Variants in DOCK10 observed in about 807,000 individuals in gnomAD.
DOCK10 encodes the protein dedicator of cytokinesis 10, also known as dedicator of cytokinesis protein 10.
In DOCK10, 145 loss-of-function variants were observed where a neutral mutation model predicts 280.1. That is an observed-to-expected ratio of 0.52 (90% confidence interval 0.45 to 0.59). The LOEUF is 0.59. Among genes scored for constraint, DOCK10 ranks in the 20% least tolerant of loss-of-function variants. The probability of loss-of-function intolerance (pLI) is 0.00; values close to 1 mark genes in which losing one functional copy is unlikely to be tolerated. For synonymous variants in DOCK10, 915 were observed against 942.2 expected (o/e 0.97, Z 0.53); for missense variants, 2,368 against 2,651.7 (o/e 0.89, Z 2.35).
intron 1 of DOCK10, among the ~76,000 whole-genome samples, chr2:225,004,726 C>G (rs1373469984): frequency 6.6e-6 from 1 of 152,170 alleles, no homozygotes; most frequent in Non-Finnish European, 1.5e-5. Flanking sequence ...AAGACAGAAC[C>G]AAGGATGTGA....
chr2:224,936,441 G>A (rs1358705002), intron 1 of DOCK10, among the ~76,000 whole-genome samples: 3 of 152,052 alleles, frequency 2.0e-5, no homozygotes, highest in African/African-American at 7.2e-5. Context: ...ATTAGAGTTT[G>A]AGCCCAGAAT....
At chr2:224,910,393 T>G (rs140397419) in intron 3 of DOCK10, among the ~76,000 whole-genome samples, 1 of 152,262 alleles carries the variant, frequency 6.6e-6, no homozygotes, top group Non-Finnish European at 1.5e-5. Context: ...CATAGCAATT[T>G]TATAGCAAAA....
chr2:225,031,454 G>A (rs768786499), intron 1 of DOCK10, among the ~76,000 whole-genome samples: 4 of 152,192 alleles, frequency 2.6e-5, no homozygotes, highest in Non-Finnish European at 5.9e-5. Context: ...TGTGGGCACA[G>A]GGCCGAAGGA....
intron 1 of DOCK10, among the ~76,000 whole-genome samples, chr2:224,956,120 G>C (rs1440368964): frequency 6.6e-6 from 1 of 152,210 alleles, no homozygotes; most frequent in East Asian, 1.9e-4. Flanking sequence ...TGGCCAAGGT[G>C]AAGCAGGATT....
At position 224,836,561 on chromosome 2, in the gene DOCK10, G is replaced by A. The variant is rs1037672897; in HGVS notation, c.2850+1201C>T. Among the ~76,000 whole-genome samples the A allele has an allele frequency of 2.6e-4, 40 of 151,808 alleles. 1 individual carries two copies. The highest frequency in any genetic ancestry group is 1.3e-4 in the Non-Finnish European group (9 of 67,970). On this transcript the variant is annotated intron_variant, in intron 25 of 55. Coordinates refer to ENST00000258390, the MANE Select transcript of DOCK10 (RefSeq NM_014689.3). ...TGGTATCTCAGAGGGGTTCACTCCA[G>A]AATGCAATTTCTGGTTACTTCCTTT... is the stretch of plus-strand genomic sequence containing the variant.
intron 7 of DOCK10, 83 bp downstream of exon 7, chr2:224,885,588 A>G (rs1574994114): frequency 7.3e-7 from 1 of 1,376,010 alleles, no homozygotes; most frequent in South Asian, 1.7e-5. Context: ...CTCTTGGCTC[A>G]TATCAGATAC....
At chr2:224,917,037 C>G (rs1157657847) in intron 2 of DOCK10, among the ~76,000 whole-genome samples, 1 of 150,020 alleles carries the variant, frequency 6.7e-6, no homozygotes, top group African/African-American at 2.4e-5. Context: ...AGCTGTTCCC[C>G]CTTTGCAGAA....
chr2:224,800,300 A>AGACAAT (rs1345978222), intron 40 of DOCK10, 37 bp from the exon 41 acceptor site: 3 of 1,336,514 alleles, frequency 2.2e-6, no homozygotes, highest in Non-Finnish European at 3.2e-6. Flanking sequence ...TAAAAGTCTA[A>AGACAAT]GACAATGCTT....
At chr2:224,790,278 A>G (rs1261093784) in intron 47 of DOCK10, among the ~76,000 whole-genome samples, 1 of 152,202 alleles carries the variant, frequency 6.6e-6, no homozygotes, top group Non-Finnish European at 1.5e-5. Flanking sequence ...CCGGAGTGAC[A>G]GACCAGCCCC....
In DOCK10 at chr2:224,874,342, G is replaced by T; in HGVS notation, c.1025C>A (p.Thr342Lys). 1.2e-6 allele frequency: 2 copies of T among 1,610,338 alleles called. No homozygotes were observed. Among genetic ancestry groups the T allele is most frequent in the South Asian group, 1.1e-5 (1 of 90,486 alleles). The change falls in exon 10 of 56, where the codon ACA becomes AAA. Residue 342 changes from threonine (T) to lysine (K), a missense_variant. Physicochemically the swap from Thr to Lys is moderately conservative, Grantham distance 78 (BLOSUM62 -1). Around this residue, in one of 2 missense-constraint regions of DOCK10, gnomAD observed 1,209 missense variants for 1,250.9 expected, o/e 0.97. Coordinates refer to ENST00000258390, the MANE Select transcript of DOCK10 (RefSeq NM_014689.3). ...TGTTTTTACAGTATCTTCTGTTTCTGTGAGGTACTACAGAGAAAATTGTGT... is the reference window on the plus strand; with the variant it reads ...TGTTTTTACAGTATCTTCTGTTTCTTTGAGGTACTACAGAGAAAATTGTGT... ...NLHADFAKYL[T>K]ETEDTVKTTR...
intron 3 of DOCK10, among the ~76,000 whole-genome samples, chr2:224,916,227 C>T (rs1701302257): frequency 6.6e-6 from 1 of 152,176 alleles, no homozygotes; most frequent in Non-Finnish European, 1.5e-5. Flanking sequence ...GAAACCCCAT[C>T]TCTACTAAAA....
intron 3 of DOCK10, among the ~76,000 whole-genome samples, chr2:224,897,906 G>A (rs547432400): frequency 1.8e-4 from 28 of 152,268 alleles, no homozygotes; most frequent in Admixed American, 1.8e-3. Flanking sequence ...TGGCTTTTGA[G>A]ACTCCTTTCT....
intron 1 of DOCK10, among the ~76,000 whole-genome samples, chr2:224,937,158 C>T (rs1172791712): frequency 1.3e-5 from 2 of 152,138 alleles, no homozygotes; most frequent in African/African-American, 2.4e-5. Context: ...TACTTAAATA[C>T]TCATGTGTAT....
In DOCK10 at chr2:224,984,008, G is replaced by A. The variant is rs150429149; in HGVS notation, c.124-52340C>T. ...TCTATATCTAATGGTGTCCACTTGA[G>A]ACAAAGGGCAGAGTGGGCTCCTCTG... On this transcript the variant is annotated intron_variant, in intron 1 of 55. Transcript: ENST00000258390. Among the ~76,000 whole-genome samples, 5 of 152,290 alleles carry A rather than the reference G, an allele frequency of 3.3e-5. 1 individual carries two copies. The highest frequency in any genetic ancestry group is 1.2e-4 in the African/African-American group (5 of 41,574).
chr2:224,768,405 T>A (rs1442266884), intron 55 of DOCK10, among the ~76,000 whole-genome samples: 1 of 152,202 alleles, frequency 6.6e-6, no homozygotes, highest in Non-Finnish European at 1.5e-5. Flanking sequence ...CAGATCTTTT[T>A]ATAGATCTAT....
intron 2 of DOCK10, among the ~76,000 whole-genome samples, chr2:224,921,699 G>T (rs1701760932): frequency 6.6e-6 from 1 of 152,170 alleles, no homozygotes; most frequent in Non-Finnish European, 1.5e-5. Context: ...AATATCCTGT[G>T]CAGGTTACAC....
intron 15 of DOCK10, among the ~76,000 whole-genome samples, chr2:224,856,445 G>A (rs956718162): frequency 7.2e-5 from 11 of 152,188 alleles, no homozygotes; most frequent in Non-Finnish European, 1.0e-4. Flanking sequence ...TTTTGGCCAG[G>A]ATGTTTGATT....
At chr2:224,869,463 C>A (rs752035539) in intron 11 of DOCK10, among the ~76,000 whole-genome samples, 2 of 152,044 alleles carry the variant, frequency 1.3e-5, no homozygotes, top group African/African-American at 4.8e-5. Flanking sequence ...AAAATAGATT[C>A]ATTAATGAAA....
intron 3 of DOCK10, among the ~76,000 whole-genome samples, chr2:224,902,642 G>A (rs1700362116): frequency 6.6e-6 from 1 of 152,044 alleles, no homozygotes; most frequent in African/African-American, 2.4e-5. Flanking sequence ...CTGCAAACCA[G>A]GATGTGTGGG....
Sources: gnomAD v4.1 joint callset for allele counts (sites outside exome capture counted in the v4.1 genomes callset) on GRCh38, gnomAD v4.1.1 for gene constraint, gnomAD v4.1.1 regional missense constraint, MANE v1.5 for transcripts, NCBI Gene and HGNC (gene_info 2026-07-23, HGNC 2026-07-21) for gene names.